The following GAB1 variants were observed in gnomAD, a reference collection of about 807,000 sequenced individuals.
GAB1 encodes GRB2-associated-binding protein 1.
In GAB1, 19 loss-of-function variants were observed where a neutral mutation model predicts 66.5. The ratio of observed to expected loss-of-function variants is 0.29; its 90% CI spans 0.20 to 0.42. GAB1 has a LOEUF of 0.42. GAB1 is among the 10% of genes least tolerant of loss of function. GAB1 has a pLI of 1.00. For synonymous variants in GAB1, 294 were observed against 301.4 expected (o/e 0.98, Z 0.25); for missense variants, 732 against 858.5 (o/e 0.85, Z 1.84).
chr4:143,356,195 G>A (rs1560716163), intron 1 of GAB1, among the ~76,000 whole-genome samples: 2 of 152,118 alleles, frequency 1.3e-5, no homozygotes, highest in Non-Finnish European at 2.9e-5. Context: ...TAGTTGCTTT[G>A]TGATTTTATT....
intron 9 of GAB1, 85 bp from the exon 10 acceptor site, chr4:143,468,946 G>A (rs1735946471): frequency 7.2e-7 from 1 of 1,380,392 alleles, no homozygotes; most frequent in Non-Finnish European, 1.0e-6. Context: ...TATTCACAGT[G>A]GATGTGTTTT....
At chr4:143,413,642 G>A (rs552756612) in intron 1 of GAB1, among the ~76,000 whole-genome samples, 29 of 152,142 alleles carry the variant, frequency 1.9e-4, no homozygotes, top group African/African-American at 5.3e-4. Flanking sequence ...CTGGGTTGCT[G>A]TAGTCTCAAG....
intron 1 of GAB1, among the ~76,000 whole-genome samples, chr4:143,386,051 A>G (rs1730889729): frequency 6.6e-6 from 1 of 152,162 alleles, no homozygotes; most frequent in Non-Finnish European, 1.5e-5. Context: ...CTGAGATGGG[A>G]GGATCAGTTT....
intron 1 of GAB1, among the ~76,000 whole-genome samples, chr4:143,386,545 G>A (rs1012670470): frequency 6.6e-6 from 1 of 152,024 alleles, no homozygotes; most frequent in African/African-American, 2.4e-5. Context: ...GCACTACCAT[G>A]CCCAACTAAT....
chr4:143,425,281 C>T, intron 2 of GAB1: 1 of 915,740 alleles, frequency 1.1e-6, no homozygotes, highest in Non-Finnish European at 1.8e-6. Flanking sequence ...AGTGTTATAT[C>T]CTCCAGGAAT....
chr4:143,463,882 T>C (rs1035138229), intron 8 of GAB1, among the ~76,000 whole-genome samples: 1 of 152,200 alleles, frequency 6.6e-6, no homozygotes, highest in Admixed American at 6.5e-5. Flanking sequence ...ATAGGTTAAC[T>C]AGCCACCCTG....
intron 1 of GAB1, among the ~76,000 whole-genome samples, chr4:143,357,142 A>G (rs1343046554): frequency 2.6e-5 from 4 of 152,154 alleles, no homozygotes; most frequent in Admixed American, 6.6e-5. Context: ...CTCTTCTGCA[A>G]ACTTAATGTG....
At position 143,350,678 on chromosome 4, in the gene GAB1, CAA is replaced by C. The variant is rs34098103; in HGVS notation, c.72+13437_72+13438del. Among the ~76,000 whole-genome samples, 140 of 88,504 alleles carry C rather than the reference CAA, an allele frequency of 1.6e-3. No individual in the cohort carries two copies. The East Asian group carries it at 0.019, about 12-fold the overall frequency. The allele number at this position is 88,504 out of a possible 152,430, so 58.1% of individuals were successfully genotyped here. ...GGGCAACAAGCGTGAAACTCCGTCT[CAA>C]AAAAAAAAAAAAAAAAAAGAAAGAC... On this transcript the variant is annotated intron_variant, in intron 1 of 9. Coordinates refer to ENST00000262994, the MANE Select transcript of GAB1 (RefSeq NM_002039.4).
intron 2 of GAB1, among the ~76,000 whole-genome samples, chr4:143,417,266 G>A (rs1181843064): frequency 6.6e-6 from 1 of 152,142 alleles, no homozygotes; most frequent in Non-Finnish European, 1.5e-5. Context: ...GGCTCTGAGT[G>A]AAAAAGGCCC....
At chr4:143,346,624 C>T (rs1729000081) in intron 1 of GAB1, among the ~76,000 whole-genome samples, 2 of 150,866 alleles carry the variant, frequency 1.3e-5, no homozygotes, top group African/African-American at 4.9e-5. Flanking sequence ...GGAACGATTA[C>T]CTCATTCAGC....
intron 1 of GAB1, among the ~76,000 whole-genome samples, chr4:143,412,721 C>G (rs187017618): frequency 3.6e-4 from 54 of 151,844 alleles, no homozygotes; most frequent in Admixed American, 1.4e-3. Flanking sequence ...GTTGGCCAGG[C>G]AAAAAGTGAG....
chr4:143,360,629 TAAA>T (rs763812395), intron 1 of GAB1, among the ~76,000 whole-genome samples: 16 of 152,198 alleles, frequency 1.1e-4, no homozygotes, highest in Non-Finnish European at 1.6e-4. Context: ...GCCATCATGC[TAAA>T]AAAAGTTGTC....
At chr4:143,450,105 A>G (rs1330142183) in intron 6 of GAB1, among the ~76,000 whole-genome samples, 4 of 152,202 alleles carry the variant, frequency 2.6e-5, no homozygotes, top group African/African-American at 7.2e-5. Flanking sequence ...AAAGGAAATA[A>G]GTATGGAGTG....
intron 1 of GAB1, among the ~76,000 whole-genome samples, chr4:143,397,741 A>G (rs1247787964): frequency 1.3e-5 from 2 of 152,208 alleles, no homozygotes; most frequent in African/African-American, 2.4e-5. Flanking sequence ...GAGCTGTGAA[A>G]TTCCCCCACT....
Position 143,471,134 on chromosome 4 carries a change from A to G in GAB1, c.*1945A>G, listed in dbSNP as rs1736062290. ...TATATTTAAGATTTAAAACACAATA[A>G]TAAATACATGATTAATTCAAAAATA... On this transcript the variant is annotated 3_prime_UTR_variant, in exon 10 of 10. Transcript: ENST00000262994. 1 of 152,212 alleles carries G rather than the reference A, an allele frequency of 6.6e-6. No homozygotes were observed. Among genetic ancestry groups the G allele is most frequent in the African/African-American group, 2.4e-5 (1 of 41,468 alleles). 9.4% of individuals were successfully genotyped at this position (152,212 alleles called of 1,614,324 possible). A position where few individuals can be genotyped will look rare whatever the true frequency, so the allele number is the denominator to read the frequency against.
chr4:143,412,402 C>T (rs2149713705), intron 1 of GAB1, among the ~76,000 whole-genome samples: 1 of 152,168 alleles, frequency 6.6e-6, no homozygotes, highest in Non-Finnish European at 1.5e-5. Context: ...GCCCATGTAT[C>T]AAATCTAATC....
chr4:143,353,892 T>C (rs1312679874), intron 1 of GAB1, among the ~76,000 whole-genome samples: 2 of 152,222 alleles, frequency 1.3e-5, no homozygotes, highest in African/African-American at 2.4e-5. Flanking sequence ...TTTCATGTTC[T>C]CTCCCTGCCA....
At chr4:143,446,472 T>G (rs1264494752) in intron 6 of GAB1, among the ~76,000 whole-genome samples, 2 of 150,582 alleles carry the variant, frequency 1.3e-5, no homozygotes, top group East Asian at 2.0e-4. Context: ...CCTGACTTTT[T>G]AATGATTGCC....
At chr4:143,463,491 C>T (rs1449767650) in intron 8 of GAB1, among the ~76,000 whole-genome samples, 2 of 151,744 alleles carry the variant, frequency 1.3e-5, no homozygotes, top group African/African-American at 4.8e-5. Context: ...GGCGTGGTGG[C>T]AGGCGCCTGT....
Sources: allele counts gnomAD v4.1 joint callset (sites outside exome capture counted in the v4.1 genomes callset), GRCh38; gene constraint gnomAD v4.1.1; transcripts MANE v1.5; gene names NCBI Gene and HGNC (gene_info 2026-07-23, HGNC 2026-07-21).